The following EXOC6 variants were observed in gnomAD, a reference collection of about 807,000 sequenced individuals.
The protein encoded by EXOC6 is SEC15-like 1.
Under a neutral mutation model 112.5 loss-of-function variants are expected in EXOC6, and 60 were observed. That is an observed-to-expected ratio of 0.53 (90% CI 0.43 to 0.66). The LOEUF (loss-of-function observed/expected upper bound fraction) is 0.66, where lower values mean the gene tolerates loss of function less well. Among genes scored for constraint, EXOC6 ranks in the 30% least tolerant of loss-of-function variants. The probability of loss-of-function intolerance (pLI) is 0.00; values close to 1 mark genes in which losing one functional copy is unlikely to be tolerated. For missense variants in EXOC6, 855 were observed against 957.1 expected, an observed-to-expected ratio of 0.89 and a Z score of 1.41; for synonymous variants, 295 against 308.0, an observed-to-expected ratio of 0.96 and a Z score of 0.44.
chr10:92,869,881 CTTT>C (rs1214383571), intron 1 of EXOC6, among the ~76,000 whole-genome samples: 1 of 147,664 alleles, frequency 6.8e-6, no homozygotes, highest in Non-Finnish European at 1.5e-5. Context: ...CAGGGGGCAT[CTTT>C]TTTTCCTGAC....
chr10:92,975,203 C>T (rs1335720675), intron 18 of EXOC6, among the ~76,000 whole-genome samples: 9 of 151,062 alleles, frequency 6.0e-5, no homozygotes, highest in East Asian at 5.9e-4. Context: ...ATGTGGGGAG[C>T]GCCTCTGCCC....
intron 1 of EXOC6, among the ~76,000 whole-genome samples, chr10:92,839,820 A>G (rs1846779736): frequency 7.0e-6 from 1 of 143,840 alleles, no homozygotes; most frequent in Admixed American, 6.9e-5. Flanking sequence ...CTGCAAAGTT[A>G]GTGGGAGGTA....
chr10:92,898,269 T>TTA, intron 4 of EXOC6, among the ~76,000 whole-genome samples: 1 of 145,956 alleles, frequency 6.9e-6, no homozygotes, highest in African/African-American at 2.5e-5. Context: ...AAATTAAAAT[T>TTA]AAAAAAAAAA....
chr10:93,025,503 A>G (rs1844987447), intron 20 of EXOC6, among the ~76,000 whole-genome samples: 1 of 152,246 alleles, frequency 6.6e-6, no homozygotes, highest in African/African-American at 2.4e-5. Context: ...TGGCCTAGAT[A>G]TATGAGTCAA....
Position 92,934,183 on chromosome 10 carries a change from A to G in EXOC6, c.1012A>G (p.Ile338Val). 6.4e-7 allele frequency: 1 copy of G among 1,551,402 alleles called. No individual in the cohort carries two copies. Among genetic ancestry groups the G allele is most frequent in the Non-Finnish European group, 8.8e-7 (1 of 1,133,996 alleles). Residue 338 changes from isoleucine to valine, a missense_variant, in exon 10 of 22, where the codon ATT becomes GTT. Coordinates refer to ENST00000260762, the MANE Select transcript of EXOC6 (RefSeq NM_019053.6). ...VDGYRRYFTQ[I>V]VGFFVVEDHI... is the part of the protein sequence containing the mutation. Reference sequence around the variant, plus strand: ...TGGCTATAGAAGATATTTCACTCAAATTGTAGGGTATGTATCTAATATGGA... The same window carrying G: ...TGGCTATAGAAGATATTTCACTCAAGTTGTAGGGTATGTATCTAATATGGA...
chr10:93,025,417 C>G (rs1000883816), intron 20 of EXOC6, among the ~76,000 whole-genome samples: 6 of 152,108 alleles, frequency 3.9e-5, no homozygotes, highest in African/African-American at 1.4e-4. Flanking sequence ...TATGAGAAGC[C>G]ATTTTTAAAT....
At chr10:92,990,857 A>G (rs554058104) in intron 18 of EXOC6, among the ~76,000 whole-genome samples, 17 of 152,170 alleles carry the variant, frequency 1.1e-4, no homozygotes, top group African/African-American at 3.9e-4. Flanking sequence ...GTTTCACAGA[A>G]CATGTTATTC....
At chr10:93,041,468 T>G (rs1245761176) in intron 20 of EXOC6, among the ~76,000 whole-genome samples, 2 of 152,196 alleles carry the variant, frequency 1.3e-5, no homozygotes, top group Admixed American at 1.3e-4. Context: ...CTTGGCTCAC[T>G]GCAACCTCTA....
intron 1 of EXOC6, among the ~76,000 whole-genome samples, chr10:92,863,675 G>A (rs775675424): frequency 1.3e-5 from 2 of 152,022 alleles, no homozygotes; most frequent in Non-Finnish European, 2.9e-5. Context: ...CACTTTGGGA[G>A]GCCGAGGCAG....
intron 4 of EXOC6, among the ~76,000 whole-genome samples, 198 bp from the exon 5 acceptor site, chr10:92,899,396 TAATAA>T (rs1850030238): frequency 6.6e-6 from 1 of 152,164 alleles, no homozygotes; most frequent in Admixed American, 6.6e-5. Context: ...TGTGTGTATA[TAATAA>T]AATGTTCAGT....
chr10:93,021,182 A>G (rs993922034), intron 20 of EXOC6, among the ~76,000 whole-genome samples: 7 of 151,780 alleles, frequency 4.6e-5, no homozygotes, highest in Non-Finnish European at 1.0e-4. Context: ...TCCCTTTCCC[A>G]TAAGAAAAAA....
chr10:92,981,893 A>G (rs1842839199), intron 18 of EXOC6, among the ~76,000 whole-genome samples: 1 of 152,170 alleles, frequency 6.6e-6, no homozygotes, highest in African/African-American at 2.4e-5. Flanking sequence ...CGAGTTGGGC[A>G]GATCATGAGG....
At chr10:92,882,544 CAAA>C (rs386372107) in intron 1 of EXOC6, among the ~76,000 whole-genome samples, 10 of 112,910 alleles carry the variant, frequency 8.9e-5, no homozygotes, top group Non-Finnish European at 8.9e-5. Flanking sequence ...GGCTCTGTCT[CAAA>C]AAAAAAAAAA....
intron 4 of EXOC6, 27 bp downstream of exon 4, chr10:92,895,047 C>CAAGTAAAGTTTTATTT (rs1262130794): frequency 2.2e-6 from 3 of 1,368,238 alleles, no homozygotes; most frequent in Admixed American, 1.7e-5. Flanking sequence ...TATAATAAAA[C>CAAGTAAAGTTTTATTT]GTTTGGCTTG....
intron 18 of EXOC6, among the ~76,000 whole-genome samples, chr10:92,994,646 T>G (rs965280033): frequency 2.6e-5 from 4 of 152,118 alleles, no homozygotes; most frequent in Non-Finnish European, 5.9e-5. Flanking sequence ...TATTTTGGCT[T>G]TTTTTGTTAA....
intron 19 of EXOC6, among the ~76,000 whole-genome samples, chr10:93,003,767 T>C (rs1843859555): frequency 6.6e-6 from 1 of 152,052 alleles, no homozygotes; most frequent in Non-Finnish European, 1.5e-5. Context: ...ATTAATTCTG[T>C]ATGCTGTGGG....
chr10:92,936,179 G>A (rs542079830), intron 12 of EXOC6, among the ~76,000 whole-genome samples: 5 of 152,262 alleles, frequency 3.3e-5, no homozygotes, highest in South Asian at 4.1e-4. Flanking sequence ...GGAAGGAACC[G>A]TGAACTAGAA....
chr10:93,046,317 G>A (rs1467440656), intron 20 of EXOC6, among the ~76,000 whole-genome samples: 1 of 152,180 alleles, frequency 6.6e-6, no homozygotes, highest in East Asian at 1.9e-4. Flanking sequence ...GACTAAAAAT[G>A]GAATTATTGA....
intron 1 of EXOC6, among the ~76,000 whole-genome samples, chr10:92,849,427 G>A (rs1426112916): frequency 6.6e-6 from 1 of 152,190 alleles, no homozygotes; most frequent in African/African-American, 2.4e-5. Context: ...ATGCCAAACT[G>A]AGTACCTGCT....
Sources: allele counts gnomAD v4.1 joint callset (sites outside exome capture counted in the v4.1 genomes callset), GRCh38; gene constraint gnomAD v4.1.1; transcripts MANE v1.5; gene names NCBI Gene and HGNC (gene_info 2026-07-23, HGNC 2026-07-21).